The following ZNF469 variants were observed in gnomAD, a reference collection of about 807,000 sequenced individuals.
ZNF469 encodes the protein zinc finger protein 469.
In ZNF469, 1 loss-of-function variant was observed where a neutral mutation model predicts 1.0. That is an observed-to-expected ratio of 1.00 (90% CI 0.35 to 4.73). The LOEUF (loss-of-function observed/expected upper bound fraction) is 4.73. Among genes scored for constraint, ZNF469 ranks in the 30% most tolerant of loss-of-function variants. The pLI, the probability that ZNF469 is intolerant of heterozygous loss-of-function variation, is 0.16. For synonymous variants in ZNF469, 2,703 were observed against 2,363.4 expected, an observed-to-expected ratio of 1.14 and a Z score of -4.17; for missense variants, 6,100 against 5,356.3, an observed-to-expected ratio of 1.14 and a Z score of -4.33.
the ZNF469 span, among the ~76,000 whole-genome samples, chr16:88,370,856 A>G: frequency 2.0e-5 from 3 of 152,350 alleles, no homozygotes; most frequent in African/African-American, 4.8e-5. Flanking sequence ...ATGCAAGTAG[A>G]AAAAGCTTGG....
At chr16:88,354,853 G>T in the ZNF469 span, among the ~76,000 whole-genome samples, 1 of 152,140 alleles carries the variant, frequency 6.6e-6, no homozygotes, top group Non-Finnish European at 1.5e-5. Context: ...AGGCTCCAGG[G>T]TCTGAAGGGC....
At chr16:88,276,762 G>C in the ZNF469 span, among the ~76,000 whole-genome samples, 1 of 152,104 alleles carries the variant, frequency 6.6e-6, no homozygotes, top group South Asian at 2.1e-4. Context: ...GATGTCATTA[G>C]TGCCACCCTA....
chr16:88,379,334 C>T (rs1469382909), upstream of ZNF469, among the ~76,000 whole-genome samples: 2 of 152,186 alleles, frequency 1.3e-5, no homozygotes, highest in Non-Finnish European at 2.9e-5. Flanking sequence ...GCTAGGACCA[C>T]CCGGGAGCCT....
At chr16:88,393,953 C>T (rs1239521251) in intron 1 of ZNF469, among the ~76,000 whole-genome samples, 2 of 152,200 alleles carry the variant, frequency 1.3e-5, no homozygotes, top group Admixed American at 6.5e-5. Flanking sequence ...CTCTGCTGTC[C>T]GACAGGAGGG....
the ZNF469 span, among the ~76,000 whole-genome samples, chr16:88,293,119 C>G: frequency 6.4e-4 from 95 of 148,964 alleles, no homozygotes; most frequent in Non-Finnish European, 1.0e-3. Context: ...GATGGGTGCA[C>G]GAATAGATGC....
chr16:88,176,697 C>T, the ZNF469 span, among the ~76,000 whole-genome samples: 7 of 152,100 alleles, frequency 4.6e-5, no homozygotes, highest in African/African-American at 1.2e-4. Context: ...CAGGTTGCTA[C>T]GCTGCCTGTG....
the ZNF469 span, among the ~76,000 whole-genome samples, chr16:88,377,662 A>C: frequency 6.7e-6 from 1 of 149,444 alleles, no homozygotes; most frequent in African/African-American, 2.5e-5. Context: ...CTCACTCCCC[A>C]TCCTCCCTCC....
At chr16:88,232,071 C>T in the ZNF469 span, among the ~76,000 whole-genome samples, 3 of 152,252 alleles carry the variant, frequency 2.0e-5, no homozygotes, top group South Asian at 2.1e-4. Context: ...GAAGGCAGGG[C>T]GGGCGCGAGG....
chr16:88,246,863 GTGAATGAGTGAGTGAA>G, the ZNF469 span, among the ~76,000 whole-genome samples: 5 of 146,154 alleles, frequency 3.4e-5, no homozygotes, highest in African/African-American at 1.0e-4. Context: ...GAATGAGCAA[GTGAATGAGTGAGTGAA>G]TGAATGAGTG....
the ZNF469 span, among the ~76,000 whole-genome samples, chr16:88,104,167 C>G: frequency 6.6e-6 from 1 of 151,024 alleles, no homozygotes; most frequent in Admixed American, 6.6e-5. Flanking sequence ...CTGGCCAGGA[C>G]CACCTGGCAG....
the ZNF469 span, among the ~76,000 whole-genome samples, chr16:88,256,202 C>T: frequency 4.6e-3 from 698 of 152,268 alleles, 2 homozygotes; most frequent in Non-Finnish European, 6.2e-3. Flanking sequence ...CTCTGTCCTG[C>T]CTGTTCATCT....
At chr16:88,226,983 G>T in the ZNF469 span, among the ~76,000 whole-genome samples, 1 of 149,748 alleles carries the variant, frequency 6.7e-6, no homozygotes, top group Non-Finnish European at 1.5e-5. Context: ...CCGCGCCGGG[G>T]CCTGCGCGTT....
the ZNF469 span, among the ~76,000 whole-genome samples, chr16:88,169,696 T>A: frequency 2.0e-5 from 3 of 152,350 alleles, no homozygotes; most frequent in East Asian, 5.8e-4. The surrounding 1 kb of genome is among the most constrained non-coding windows in gnomAD (Gnocchi z 6.1). Flanking sequence ...CGTGCTTACA[T>A]TGGCCGTCTG....
chr16:88,102,651 C>G, the ZNF469 span, among the ~76,000 whole-genome samples: 1 of 152,184 alleles, frequency 6.6e-6, no homozygotes, highest in Non-Finnish European at 1.5e-5. Flanking sequence ...GGGGCTAAAT[C>G]ACAAGGTACC....
Position 88,433,223 on chromosome 16 carries a change from G to T in ZNF469, c.5753G>T (p.Gly1918Val). The change falls in exon 3 of 3, where the codon GGC becomes GTC. Residue 1918 changes from glycine to valine, a missense_variant. Physicochemically the swap from Gly to Val is moderately radical, Grantham distance 109 (BLOSUM62 -3). Coordinates refer to ENST00000565624, the MANE Select transcript of ZNF469 (RefSeq NM_001367624.2). Reference protein sequence around the residue: ...PGPGVAKSKDGILGLQELTPA... With the variant: ...PGPGVAKSKDVILGLQELTPA... ...CCTGGAGTGGCTAAGAGTAAAGATGGCATCCTGGGCTTGCAGGAGCTGACA... is the reference window on the plus strand; with the variant it reads ...CCTGGAGTGGCTAAGAGTAAAGATGTCATCCTGGGCTTGCAGGAGCTGACA... 1 of 1,550,322 alleles carries T rather than the reference G, an allele frequency of 6.5e-7. No homozygotes were observed. Among genetic ancestry groups the T allele is most frequent in the Non-Finnish European group, 8.7e-7 (1 of 1,146,948 alleles).
intron 1 of ZNF469, among the ~76,000 whole-genome samples, chr16:88,393,440 C>T (rs1567499126): frequency 6.6e-6 from 1 of 152,240 alleles, no homozygotes; most frequent in Non-Finnish European, 1.5e-5. Context: ...CGGACCGGTG[C>T]CTGGGGAATA....
the ZNF469 span, among the ~76,000 whole-genome samples, chr16:88,311,959 G>A: frequency 6.6e-6 from 1 of 152,176 alleles, no homozygotes. Flanking sequence ...CCAAGACTGG[G>A]TAATTTATAA....
At chr16:88,271,474 C>T in the ZNF469 span, among the ~76,000 whole-genome samples, 4 of 140,106 alleles carry the variant, frequency 2.9e-5, no homozygotes, top group Non-Finnish European at 4.9e-5. Flanking sequence ...GCTTCCAGGG[C>T]TGGGCTGCAA....
the ZNF469 span, among the ~76,000 whole-genome samples, chr16:88,375,053 G>A: frequency 1.5e-4 from 23 of 152,264 alleles, no homozygotes; most frequent in African/African-American, 5.3e-4. Context: ...CTGGGGCAGG[G>A]CCCTGGAAGG....
Sources: gnomAD v4.1 joint callset for allele counts (sites outside exome capture counted in the v4.1 genomes callset) on GRCh38, gnomAD v4.1.1 for gene constraint, Gnocchi (gnomAD v3.1) non-coding constraint, MANE v1.5 for transcripts, NCBI Gene and HGNC (gene_info 2026-07-23, HGNC 2026-07-21) for gene names.